The following GRWD1 variants were observed in gnomAD, a reference collection of about 807,000 sequenced individuals.
GRWD1 encodes the protein glutamate-rich WD repeat-containing protein 1.
Under a neutral mutation model 45.3 loss-of-function variants are expected in GRWD1, and 29 were observed. The observed-to-expected ratio is 0.64, with a 90% CI of 0.48 to 0.87. The LOEUF is 0.87. Among genes scored for constraint, GRWD1 ranks in the 40% least tolerant of loss-of-function variants. The probability of loss-of-function intolerance (pLI) is 0.00; values close to 1 mark genes in which losing one functional copy is unlikely to be tolerated. For synonymous variants in GRWD1, 262 were observed against 257.6 expected (o/e 1.02, Z -0.16); for missense variants, 592 against 618.8 (o/e 0.96, Z 0.46).
Position 48,450,437 on chromosome 19 carries a change from G to C in GRWD1, c.593G>C (p.Arg198Pro), listed in dbSNP as rs147327994. ...EEPQALAAFL[R>P]DEQAQMKPIF... Reference sequence around the variant, plus strand: ...CCCCAGGCCCTGGCAGCCTTCCTCCGGGATGAGCAGGCCCAAATGAAGCCC... The same window carrying C: ...CCCCAGGCCCTGGCAGCCTTCCTCCCGGATGAGCAGGCCCAAATGAAGCCC... Residue 198 changes from arginine (R) to proline (P), a missense_variant, in exon 4 of 7, where the codon CGG (arginine) becomes CCG (proline). Coordinates refer to ENST00000253237, the MANE Select transcript of GRWD1 (RefSeq NM_031485.4). This position sits in a 1 kb window ranked among gnomAD's most constrained non-coding sequence, Gnocchi z 5.1. The C allele has an allele frequency of 6.2e-7, 1 of 1,613,960 alleles. No individual in the cohort carries two copies. The highest frequency in any genetic ancestry group is 1.3e-5 in the African/African-American group (1 of 74,918).
At position 48,453,337 on chromosome 19, in the gene GRWD1, G is replaced by A. The variant is rs1319667293; in HGVS notation, c.*312G>A. 3.6e-6 allele frequency: 1 copy of A among 275,112 alleles called. No individual in the cohort carries two copies. The highest frequency in any genetic ancestry group is 2.2e-5 in the African/African-American group (1 of 45,560). The allele number at this position is 275,112 out of a possible 1,614,324, so 17.0% of individuals were successfully genotyped here. A position where few individuals can be genotyped will look rare whatever the true frequency, so the allele number is the denominator to read the frequency against. On this transcript the variant is annotated 3_prime_UTR_variant, in exon 7 of 7. Transcript: ENST00000253237. ...ATTTGACCTGTGTCCCCAGAACCCA[G>A]TTTTTTGTTTGTTTGTTTGAGACGG...
At chr19:48,446,533 G>A (rs1365281352) in intron 2 of GRWD1, 31 bp downstream of exon 2, 2 of 1,606,028 alleles carry the variant, frequency 1.2e-6, no homozygotes, top group Non-Finnish European at 1.7e-6. Flanking sequence ...AGGACCAGGA[G>A]GCTCAGTTTC....
chr19:48,449,476 G>A (rs1244691976), intron 3 of GRWD1, among the ~76,000 whole-genome samples: 1 of 152,192 alleles, frequency 6.6e-6, no homozygotes, highest in Non-Finnish European at 1.5e-5. Context: ...GGCCTGAGGT[G>A]GAGAGAGAGC....
At position 48,446,663 on chromosome 19, in the gene GRWD1, C is replaced by A; in HGVS notation, c.306-18C>A. 6.4e-7 allele frequency: 1 copy of A among 1,569,784 alleles called. No homozygotes were observed. The highest frequency in any genetic ancestry group is 8.6e-7 in the Non-Finnish European group (1 of 1,156,836). On this transcript the variant is annotated intron_variant, in intron 2 of 6. Transcript: ENST00000253237. Reference sequence around the variant, plus strand: ...ATCCTGGAATCTAGTGCCTAACTCACCCCACAATTTCTCCCAGACTGATGA... The same window carrying A: ...ATCCTGGAATCTAGTGCCTAACTCAACCCACAATTTCTCCCAGACTGATGA...
chr19:48,451,026 T>TC lies in GRWD1; in HGVS notation c.826-3dup, dbSNP rs1569079363. On this transcript the variant is annotated splice_region_variant and splice_polypyrimidine_tract_variant and intron_variant, in intron 5 of 6. Transcript: ENST00000253237. The stretch of plus-strand genomic sequence containing the variant: ...GCATTGGGACCACTCAGACTCCGCC[T>TC]CCCCCAGGTGTTTGCCTCCTGCTCA... 1 of 1,610,498 alleles carries TC rather than the reference T, an allele frequency of 6.2e-7. No individual in the cohort carries two copies. Among genetic ancestry groups the TC allele is most frequent in the Non-Finnish European group, 8.5e-7 (1 of 1,178,046 alleles).
At position 48,454,148 on chromosome 19, in the gene GRWD1, C is replaced by T. The variant is rs1971508229; in HGVS notation, c.*1123C>T. The T allele has an allele frequency of 6.6e-6, 1 of 152,244 alleles. No homozygotes were observed. The highest frequency in any genetic ancestry group is 1.5e-5 in the Non-Finnish European group (1 of 68,110). 9.4% of individuals were successfully genotyped at this position (152,244 alleles called of 1,614,324 possible). On this transcript the variant is annotated 3_prime_UTR_variant, in exon 7 of 7. Coordinates refer to ENST00000253237, the MANE Select transcript of GRWD1 (RefSeq NM_031485.4). ...AAAGGGGCCTCATCCCTGACCCCCA[C>T]CAGCTTATGAAGGCTTCATCTCAGG... is the stretch of plus-strand genomic sequence containing the variant.
At chr19:48,451,287 G>A in intron 6 of GRWD1, 56 bp downstream of exon 6, 1 of 1,444,842 alleles carries the variant, frequency 6.9e-7, no homozygotes, top group Non-Finnish European at 9.3e-7. Context: ...AGCAGCCCCT[G>A]GGATTTGTAG....
rs1601005707 is a variant in GRWD1, at chr19:48,452,341, A to T, written c.1024-367A>T. ...TCCAACTCCTGACCTCGGGTGATCC[A>T]CCCGCCTTGGCCTCCCAAGGTGCTG... On this transcript the variant is annotated intron_variant, in intron 6 of 6. Coordinates refer to ENST00000253237, the MANE Select transcript of GRWD1 (RefSeq NM_031485.4). The surrounding 1 kb of genome is among the most constrained non-coding windows in gnomAD (Gnocchi z 5.1). Among the ~76,000 whole-genome samples, 1 of 151,352 alleles carries T rather than the reference A, an allele frequency of 6.6e-6. No individual in the cohort carries two copies. Among genetic ancestry groups the T allele is most frequent in the Non-Finnish European group, 1.5e-5 (1 of 67,872 alleles).
rs1174579300 is a variant in GRWD1, at chr19:48,452,701, C to T, written c.1024-7C>T. 3.9e-6 allele frequency: 6 copies of T among 1,554,912 alleles called. No homozygotes were observed. Among genetic ancestry groups the T allele is most frequent in the Admixed American group, 1.8e-5 (1 of 55,940 alleles). ...CAGAGCCCGTTCCTCCCATCCTCTC[C>T]CTCTAGTCTGGTTCCCCAGTGGCCA... On this transcript the variant is annotated splice_polypyrimidine_tract_variant and splice_region_variant and intron_variant, in intron 6 of 6. Transcript: ENST00000253237. This position sits in a 1 kb window ranked among gnomAD's most constrained non-coding sequence, Gnocchi z 5.1.
rs766021879 is a variant in GRWD1 at position 48,450,385 on chromosome 19, C to G, written c.541C>G (p.Arg181Gly). 35 of 1,613,638 alleles carry G rather than the reference C, an allele frequency of 2.2e-5. No homozygotes were observed. Among genetic ancestry groups the G allele is most frequent in the Admixed American group, 1.3e-4 (8 of 60,024 alleles). The change falls in exon 4 of 7, where the codon CGG becomes GGG. Residue 181 changes from arginine (R) to glycine (G), a missense_variant. Arg to Gly is a moderately radical substitution (Grantham distance 125, BLOSUM62 -2). Coordinates refer to ENST00000253237, the MANE Select transcript of GRWD1 (RefSeq NM_031485.4). This position sits in a 1 kb window ranked among gnomAD's most constrained non-coding sequence, Gnocchi z 5.1. ...EKGQVEVFAL[R>G]RLLQVVEEPQ... ...GGGCCAGGTGGAGGTGTTTGCGCTG[C>G]GGCGGCTTCTGCAGGTGGTGGAGGA...
Position 48,451,166 on chromosome 19 carries a change from G to A in GRWD1, c.958G>A (p.Glu320Lys), listed in dbSNP as rs1405837220. The part of the protein sequence containing the change: ...DVNVISWSRR[E>K]PFLLSGGDDG... The stretch of plus-strand genomic sequence containing the variant: ...CAATGTCATCAGCTGGAGCCGCCGG[G>A]AGCCCTTCCTGCTCAGTGGCGGGGA... Residue 320 changes from glutamate (E) to lysine (K), a missense_variant, in exon 6 of 7, where the codon GAG (glutamate) becomes AAG (lysine). Transcript: ENST00000253237. 6.2e-7 allele frequency: 1 copy of A among 1,613,798 alleles called. No homozygotes were observed. The highest frequency in any genetic ancestry group is 1.7e-5 in the Admixed American group (1 of 59,986).
Position 48,452,645 on chromosome 19 carries a change from TG to T in GRWD1, c.1024-60del. On this transcript the variant is annotated intron_variant, in intron 6 of 6. Transcript: ENST00000253237. The surrounding 1 kb of genome is among the most constrained non-coding windows in gnomAD (Gnocchi z 5.1). ...CTGGAGAAGGGTTGGGGCTTCTGCCTGGGTCCTCCCCAGAGTCAGGCTGAGG... is the reference window on the plus strand; with the variant it reads ...CTGGAGAAGGGTTGGGGCTTCTGCCTGGTCCTCCCCAGAGTCAGGCTGAGG... 1.4e-6 allele frequency: 2 copies of T among 1,397,038 alleles called. No homozygotes were observed. Among genetic ancestry groups the T allele is most frequent in the Middle Eastern group, 2.2e-4 (1 of 4,466 alleles). The allele number at this position is 1,397,038 out of a possible 1,614,324, so 86.5% of individuals were successfully genotyped here.
rs1204209891 is a variant in GRWD1 at position 48,452,425 on chromosome 19, C to G, written c.1024-283C>G. 6.6e-6 allele frequency among the ~76,000 whole-genome samples: 1 copy of G among 152,118 alleles called. No individual in the cohort carries two copies. Among genetic ancestry groups the G allele is most frequent in the South Asian group, 2.1e-4 (1 of 4,826 alleles). On this transcript the variant is annotated intron_variant, in intron 6 of 6. Transcript: ENST00000253237. This position sits in a 1 kb window ranked among gnomAD's most constrained non-coding sequence, Gnocchi z 5.1. Reference sequence around the variant, plus strand: ...TGCCCTCCTTTTACAAGGAAGAAAACAGGCAGGCAGAGGGAAGAGCAGGGG... The same window carrying G: ...TGCCCTCCTTTTACAAGGAAGAAAAGAGGCAGGCAGAGGGAAGAGCAGGGG...
chr19:48,446,905 G>C, intron 3 of GRWD1, 62 bp downstream of exon 3: 1 of 1,336,412 alleles, frequency 7.5e-7, no homozygotes, highest in Non-Finnish European at 1.0e-6. Flanking sequence ...CATCCCCTGT[G>C]TCCATAACTC....
In GRWD1 at chr19:48,452,180, A is replaced by G. The variant is rs1601005636; in HGVS notation, c.1024-528A>G. Among the ~76,000 whole-genome samples, 1 of 148,384 alleles carries G rather than the reference A, an allele frequency of 6.7e-6. No individual in the cohort carries two copies. The highest frequency in any genetic ancestry group is 2.5e-5 in the African/African-American group (1 of 39,976). On this transcript the variant is annotated intron_variant, in intron 6 of 6. Transcript: ENST00000253237. The surrounding 1 kb of genome is among the most constrained non-coding windows in gnomAD (Gnocchi z 5.1). ...AGTGGCGCAATCTCGGCTCACTGCA[A>G]CCTCCCGCTCCTGGGTTCAAGCGAT...
In GRWD1 at chr19:48,454,926, C is replaced by T. The variant is rs1020328820; in HGVS notation, c.*1901C>T. The T allele has an allele frequency of 4.6e-5, 7 of 152,274 alleles. No homozygotes were observed. Among genetic ancestry groups the T allele is most frequent in the Non-Finnish European group, 7.3e-5 (5 of 68,144 alleles). The allele number at this position is 152,274 out of a possible 1,614,324, so 9.4% of individuals were successfully genotyped here. A position where few individuals can be genotyped will look rare whatever the true frequency, so the allele number is the denominator to read the frequency against. The stretch of plus-strand genomic sequence containing the variant: ...TCTTCACAATTTCATCTCCCCATGT[C>T]GCCATTTCTTAAAACATTTCTTTTC... On this transcript the variant is annotated 3_prime_UTR_variant, in exon 7 of 7. Transcript: ENST00000253237.
intron 3 of GRWD1, among the ~76,000 whole-genome samples, chr19:48,449,781 ACTGCACTCCG>A (rs1365900692): frequency 1.3e-5 from 2 of 152,140 alleles, no homozygotes; most frequent in Non-Finnish European, 2.9e-5. Flanking sequence ...TTATGGCATC[ACTGCACTCCG>A]TCCTGGGCAA....
chr19:48,450,521 T>G lies in GRWD1; in HGVS notation c.677T>G (p.Val226Gly). The change falls in exon 4 of 7, where the codon GTG becomes GGG. Residue 226 changes from valine (V) to glycine (G), a missense_variant. Coordinates refer to ENST00000253237, the MANE Select transcript of GRWD1 (RefSeq NM_031485.4). The surrounding 1 kb of genome is among the most constrained non-coding windows in gnomAD (Gnocchi z 5.1). ...TTTGCCCTTGACTGGTCCCCCCGGGTGACCGGTGAGTCCCTGGGGTGTTCA... is the reference window on the plus strand; with the variant it reads ...TTTGCCCTTGACTGGTCCCCCCGGGGGACCGGTGAGTCCCTGGGGTGTTCA... The part of the protein sequence containing the change: ...EGFALDWSPR[V>G]TGRLLTGDCQ... 1.9e-6 allele frequency: 3 copies of G among 1,613,888 alleles called. No individual in the cohort carries two copies. Among genetic ancestry groups the G allele is most frequent in the Non-Finnish European group, 2.5e-6 (3 of 1,179,840 alleles).
chr19:48,446,180 C>T lies in GRWD1; in HGVS notation c.175C>T (p.Arg59Ter), dbSNP rs1418170773. ...MDEEAYVLYHRAQTGAPCLSF... is the reference protein window; with the variant it reads ...MDEEAYVLYH ...CGAGGAGGCCTATGTGCTCTACCACCGAGCGCAGACTGGTAGGGCTGAGTC... is the reference window on the plus strand; with the variant it reads ...CGAGGAGGCCTATGTGCTCTACCACTGAGCGCAGACTGGTAGGGCTGAGTC... The change falls in exon 1 of 7, where the codon CGA becomes TGA. Residue 59 changes from arginine to a stop codon, truncating the protein, a stop_gained. Transcript: ENST00000253237. LOFTEE classifies it high-confidence loss of function. The T allele has an allele frequency of 3.7e-6, 6 of 1,600,052 alleles. No individual in the cohort carries two copies. The highest frequency in any genetic ancestry group is 5.1e-6 in the Non-Finnish European group (6 of 1,175,906).
Sources: gnomAD v4.1 joint callset for allele counts (sites outside exome capture counted in the v4.1 genomes callset) on GRCh38, gnomAD v4.1.1 for gene constraint, Gnocchi (gnomAD v3.1) non-coding constraint, MANE v1.5 for transcripts, NCBI Gene and HGNC (gene_info 2026-07-23, HGNC 2026-07-21) for gene names.